The following FARP2 variants were observed in gnomAD, a reference collection of about 807,000 sequenced individuals.
FARP2 encodes the protein FERM, ARH/RhoGEF and pleckstrin domain protein 2.
In FARP2, 111 loss-of-function variants were observed where a neutral mutation model predicts 130.5. The observed-to-expected ratio is 0.85, with a 90% CI of 0.73 to 1.00. The LOEUF is 1.00. FARP2 is among the 50% of genes least tolerant of loss of function. The probability of loss-of-function intolerance (pLI) is 0.00; values close to 1 mark genes in which losing one functional copy is unlikely to be tolerated. For missense variants in FARP2, 1,385 were observed against 1,346.3 expected (o/e 1.03, Z -0.45); for synonymous variants, 504 against 516.9 (o/e 0.98, Z 0.34).
At chr2:241,446,621 T>C (rs2063520417) in intron 13 of FARP2, 1 of 152,266 alleles carries the variant, frequency 6.6e-6, no homozygotes. Context: ...CTTCAAGGTA[T>C]GCTTGTTCCC....
At chr2:241,430,740 C>T (rs2063070088) in intron 8 of FARP2, among the ~76,000 whole-genome samples, 1 of 152,120 alleles carries the variant, frequency 6.6e-6, no homozygotes, top group Non-Finnish European at 1.5e-5. Context: ...CACAGTGGGT[C>T]ATGCCTGTAA....
rs374517687 is a variant in FARP2, at chr2:241,425,122, G to A, written c.772-6557G>A. On this transcript the variant is annotated intron_variant, in intron 8 of 26. Coordinates refer to ENST00000264042, the MANE Select transcript of FARP2 (RefSeq NM_014808.4). ...CTTGAGAGACTGAGGAAGGAGAACC[G>A]CTTGAGCCTGGGAGGCGGAGGTTGC... Among the ~76,000 whole-genome samples the A allele has an allele frequency of 2.8e-4, 43 of 152,194 alleles. No homozygotes were observed. In the South Asian group the frequency reaches 5.2e-3, roughly 18 times the overall value.
chr2:241,406,950 G>C (rs1170178765), intron 4 of FARP2, among the ~76,000 whole-genome samples: 1 of 152,098 alleles, frequency 6.6e-6, no homozygotes, highest in Non-Finnish European at 1.5e-5. Flanking sequence ...TGGGACTACA[G>C]TCACCCGCCA....
intron 19 of FARP2, among the ~76,000 whole-genome samples, chr2:241,480,247 CTCA>C (rs3836161): frequency 0.055 from 8,362 of 152,326 alleles, 293 homozygotes; most frequent in Middle Eastern, 0.13. Context: ...TTGCCTAGGC[CTCA>C]TCTTCTTCTT....
chr2:241,401,499 T>C (rs2062164890), intron 2 of FARP2, among the ~76,000 whole-genome samples: 1 of 152,174 alleles, frequency 6.6e-6, no homozygotes, highest in South Asian at 2.1e-4. Context: ...TTATACATTG[T>C]ATAGAAATGG....
chr2:241,403,950 G>T lies in FARP2; in HGVS notation c.288+18G>T, dbSNP rs1429439491. 8 of 1,447,006 alleles carry T rather than the reference G, an allele frequency of 5.5e-6. No homozygotes were observed. Among genetic ancestry groups the T allele is most frequent in the East Asian group, 2.3e-5 (1 of 44,120 alleles). The allele number at this position is 1,447,006 out of a possible 1,614,324, so 89.6% of individuals were successfully genotyped here. On this transcript the variant is annotated intron_variant, in intron 3 of 26. Coordinates refer to ENST00000264042, the MANE Select transcript of FARP2 (RefSeq NM_014808.4). Reference sequence around the variant, plus strand: ...CCTACTGGGTAAGTGCTTATGACGTGCCCAGGCGTGGAGCCTTTGGGCCTG... The same window carrying T: ...CCTACTGGGTAAGTGCTTATGACGTTCCCAGGCGTGGAGCCTTTGGGCCTG...
intron 12 of FARP2, among the ~76,000 whole-genome samples, chr2:241,437,670 A>ATTTTTTTTTTTTTTTTT (rs763025047): frequency 2.3e-5 from 3 of 133,112 alleles, no homozygotes; most frequent in East Asian, 2.2e-4. Flanking sequence ...TTATTTATTT[A>ATTTTTTTTTTTTTTTTT]TTTTTTTTTT....
chr2:241,386,464 G>A (rs1395557986), intron 2 of FARP2, among the ~76,000 whole-genome samples: 1 of 152,158 alleles, frequency 6.6e-6, no homozygotes, highest in Non-Finnish European at 1.5e-5. Context: ...CAGGAGGCCG[G>A]CTCAGATCTG....
intron 4 of FARP2, 64 bp from the exon 5 acceptor site, chr2:241,407,473 A>G: frequency 8.6e-7 from 1 of 1,168,540 alleles, no homozygotes; most frequent in South Asian, 1.2e-5. Context: ...ATACAGTAAT[A>G]TATGAAAAGA....
At chr2:241,407,763 G>A in intron 5 of FARP2, 148 bp downstream of exon 5, 2 of 594,712 alleles carry the variant, frequency 3.4e-6, no homozygotes, top group Non-Finnish European at 3.0e-6. Flanking sequence ...ACAGAAGCAT[G>A]TTGGCAGTTG....
chr2:241,395,647 A>G (rs2062012752), intron 2 of FARP2: 1 of 152,130 alleles, frequency 6.6e-6, no homozygotes, highest in African/African-American at 2.4e-5. Flanking sequence ...CCTTTTAATA[A>G]CTTATGTCAG....
chr2:241,402,853 TATATATATATATATATATATATATA>T (rs2062212840), intron 2 of FARP2, among the ~76,000 whole-genome samples: 3 of 10,562 alleles, frequency 2.8e-4, no homozygotes, highest in Non-Finnish European at 2.4e-4. Flanking sequence ...TATATATATA[TATATATATATATATATATATATATA>T]TATTTTTTTT....
At position 241,475,640 on chromosome 2, in the gene FARP2, C is replaced by T. The variant is rs2064438185; in HGVS notation, c.2132-217C>T. 6.6e-6 allele frequency among the ~76,000 whole-genome samples: 1 copy of T among 152,240 alleles called. No individual in the cohort carries two copies. Among genetic ancestry groups the T allele is most frequent in the Admixed American group, 6.5e-5 (1 of 15,286 alleles). On this transcript the variant is annotated intron_variant, in intron 18 of 26. Transcript: ENST00000264042. This position sits in a 1 kb window ranked among gnomAD's most constrained non-coding sequence, Gnocchi z 4.4. ...GAGGTGGAACAGTTTCATCCCCAAA[C>T]CATTCCTACCACCTCTGGTCTGTGG...
chr2:241,441,354 G>A lies in FARP2; in HGVS notation c.1209G>A (p.Ala403=), dbSNP rs773610503. The change falls in exon 13 of 27, where the codon GCG becomes GCA. Residue 403 remains alanine (A), a synonymous_variant. Coordinates refer to ENST00000264042, the MANE Select transcript of FARP2 (RefSeq NM_014808.4). The part of the protein sequence containing the change: ...GLRTPASPSS[A]NAFYSLSPST... ...GGACTCCTGCCTCCCCATCTTCAGC[G>A]AATGCCTTTTACTCGCTCTCTCCCT... 23 of 1,613,076 alleles carry A rather than the reference G, an allele frequency of 1.4e-5. 1 individual carries two copies. In the South Asian group the frequency reaches 1.6e-4, roughly 12 times the overall value.
intron 2 of FARP2, among the ~76,000 whole-genome samples, chr2:241,384,526 A>G (rs759275652): frequency 7.2e-5 from 11 of 152,224 alleles, no homozygotes; most frequent in Non-Finnish European, 1.3e-4. Context: ...TCATGGATCA[A>G]TCTAAAATAT....
chr2:241,366,104 A>AAATATATAT lies in FARP2; in HGVS notation c.-24-6979_-24-6978insATATATATA, dbSNP rs61355096. 4.9e-4 allele frequency among the ~76,000 whole-genome samples: 28 copies of AAATATATAT among 56,996 alleles called. No individual in the cohort carries two copies. The East Asian group carries it at 0.01, about 21-fold the overall frequency. 37.4% of individuals were successfully genotyped at this position (56,996 alleles called of 152,430 possible). A position where few individuals can be genotyped will look rare whatever the true frequency, so the allele number is the denominator to read the frequency against. ...ACCTCATCACTACTAAAAAAAAAAAAATATATATATATATATACGTATATA... is the reference window on the plus strand; with the variant it reads ...ACCTCATCACTACTAAAAAAAAAAAAAATATATATATATATATATATATATACGTATATA... On this transcript the variant is annotated intron_variant, in intron 1 of 26. Coordinates refer to ENST00000264042, the MANE Select transcript of FARP2 (RefSeq NM_014808.4).
chr2:241,484,838 G>A (rs963388917), intron 21 of FARP2, among the ~76,000 whole-genome samples: 18 of 152,186 alleles, frequency 1.2e-4, no homozygotes, highest in Admixed American at 1.3e-4. Context: ...GTCATGGGGA[G>A]ACTTTCATGC....
chr2:241,414,632 C>T (rs553108051), intron 7 of FARP2, among the ~76,000 whole-genome samples: 1 of 152,236 alleles, frequency 6.6e-6, no homozygotes, highest in African/African-American at 2.4e-5. Flanking sequence ...ATTTCGTGCA[C>T]CTCACCACTC....
At position 241,475,914 on chromosome 2, in the gene FARP2, T is replaced by G; in HGVS notation, c.2189T>G (p.Leu730Arg). The G allele has an allele frequency of 6.2e-7, 1 of 1,614,040 alleles. No individual in the cohort carries two copies. The highest frequency in any genetic ancestry group is 8.5e-7 in the Non-Finnish European group (1 of 1,179,952). The change falls in exon 19 of 27, where the codon CTG (leucine) becomes CGG (arginine). Residue 730 changes from leucine to arginine, a missense_variant. Transcript: ENST00000264042. The surrounding 1 kb of genome is among the most constrained non-coding windows in gnomAD (Gnocchi z 4.4). ...TTTLQHILIR[L>R]ENLQKLTELQ... ...ACACTACAGCACATTCTCATCCGGCTGGAGAACCTGCAGAAGCTAACGGAG... is the reference window on the plus strand; with the variant it reads ...ACACTACAGCACATTCTCATCCGGCGGGAGAACCTGCAGAAGCTAACGGAG...
Sources: gnomAD v4.1 joint callset for allele counts (sites outside exome capture counted in the v4.1 genomes callset) on GRCh38, gnomAD v4.1.1 for gene constraint, Gnocchi (gnomAD v3.1) non-coding constraint, MANE v1.5 for transcripts, NCBI Gene and HGNC (gene_info 2026-07-23, HGNC 2026-07-21) for gene names.